Variants in ATE1 observed in about 807,000 individuals in gnomAD.
ATE1 encodes the protein arginyl-tRNA--protein transferase 1.
ATE1 carries 36 observed loss-of-function variants against 70.5 expected under a neutral mutation model. The ratio of observed to expected loss-of-function variants is 0.51; its 90% CI spans 0.39 to 0.67. The LOEUF is 0.67. Among genes scored for constraint, ATE1 ranks in the 30% least tolerant of loss-of-function variants. ATE1 has a pLI of 0.00. For synonymous variants in ATE1, 232 were observed against 219.3 expected (o/e 1.06, Z -0.51); for missense variants, 593 against 629.5 (o/e 0.94, Z 0.62).
At chr10:121,857,398 T>C (rs949415828) in intron 8 of ATE1, among the ~76,000 whole-genome samples, 4 of 152,234 alleles carry the variant, frequency 2.6e-5, no homozygotes, top group African/African-American at 9.6e-5. Flanking sequence ...CTTAGGATAA[T>C]GGTCTCCAGC....
chr10:121,832,252 T>A (rs2133707333), intron 10 of ATE1, among the ~76,000 whole-genome samples: 1 of 152,322 alleles, frequency 6.6e-6, no homozygotes, highest in South Asian at 2.1e-4. Context: ...CTCACTCCAA[T>A]GGAGCAAACT....
intron 11 of ATE1, among the ~76,000 whole-genome samples, chr10:121,756,792 C>A (rs1164630634): frequency 6.6e-6 from 1 of 152,168 alleles, no homozygotes; most frequent in Non-Finnish European, 1.5e-5. Flanking sequence ...TGGGCCCAGC[C>A]CATAAAACCA....
chr10:121,775,324 G>A lies in ATE1; in HGVS notation c.1378+14845C>T, dbSNP rs544042748. ...AACATAAAGCCTGTCAGAGAGTGGG[G>A]GGCAAGGGGAGGGAGAGCATTAGGG... On this transcript the variant is annotated intron_variant, in intron 11 of 11. Coordinates refer to ENST00000224652, the MANE Select transcript of ATE1 (RefSeq NM_001001976.3). Among the ~76,000 whole-genome samples, 5 of 152,100 alleles carry A rather than the reference G, an allele frequency of 3.3e-5. No homozygotes were observed. The South Asian group carries it at 1.0e-3, about 32-fold the overall frequency.
intron 10 of ATE1, among the ~76,000 whole-genome samples, chr10:121,832,210 T>C (rs1275690284): frequency 6.6e-6 from 1 of 152,160 alleles, no homozygotes; most frequent in African/African-American, 2.4e-5. Flanking sequence ...AACATACAGG[T>C]TGGAGTCCTA....
chr10:121,835,723 T>C (rs1948407992), intron 10 of ATE1, among the ~76,000 whole-genome samples: 1 of 152,140 alleles, frequency 6.6e-6, no homozygotes, highest in South Asian at 2.1e-4. Context: ...CTTTTAGAAA[T>C]ACACACTACA....
At chr10:121,901,331 A>T (rs1488066921) in intron 6 of ATE1, among the ~76,000 whole-genome samples, 2 of 152,200 alleles carry the variant, frequency 1.3e-5, no homozygotes, top group Non-Finnish European at 2.9e-5. Flanking sequence ...AGAATGCATG[A>T]AAGTTAATTT....
At chr10:121,909,860 T>C (rs1202920030) in intron 5 of ATE1, among the ~76,000 whole-genome samples, 3 of 151,908 alleles carry the variant, frequency 2.0e-5, no homozygotes, top group Non-Finnish European at 2.9e-5. Flanking sequence ...GCCTGGGTAA[T>C]ATAGTGAGAC....
At chr10:121,838,110 T>C (rs1948496157) in intron 9 of ATE1, among the ~76,000 whole-genome samples, 1 of 152,154 alleles carries the variant, frequency 6.6e-6, no homozygotes, top group Non-Finnish European at 1.5e-5. Flanking sequence ...TATGGTGCCC[T>C]TGGATGACTG....
At chr10:121,752,259 C>CT (rs1944616336) in intron 11 of ATE1, among the ~76,000 whole-genome samples, 1 of 132,626 alleles carries the variant, frequency 7.5e-6, no homozygotes, top group African/African-American at 2.8e-5. Context: ...GAGACGCAGT[C>CT]TCCCTCTGTC....
intron 7 of ATE1, among the ~76,000 whole-genome samples, chr10:121,895,184 A>C (rs956916407): frequency 6.6e-6 from 1 of 152,212 alleles, no homozygotes; most frequent in Non-Finnish European, 1.5e-5. Context: ...AGATCCTCAA[A>C]AGGAAAACAC....
At chr10:121,809,000 T>TACTC (rs1947208630) in intron 10 of ATE1, among the ~76,000 whole-genome samples, 1 of 152,226 alleles carries the variant, frequency 6.6e-6, no homozygotes, top group Non-Finnish European at 1.5e-5. Context: ...ATTTTGAAAG[T>TACTC]ACTGATTCAC....
intron 11 of ATE1, among the ~76,000 whole-genome samples, chr10:121,745,588 G>T (rs574769310): frequency 2.6e-5 from 4 of 152,304 alleles, no homozygotes; most frequent in African/African-American, 9.6e-5. Context: ...TTAGCCAGGC[G>T]TGGTGGCGGG....
chr10:121,781,983 A>G (rs1946011920), intron 11 of ATE1, among the ~76,000 whole-genome samples: 1 of 152,256 alleles, frequency 6.6e-6, no homozygotes, highest in Non-Finnish European at 1.5e-5. Flanking sequence ...ACTATAAAAT[A>G]AACAGAACTT....
chr10:121,867,200 G>A lies in ATE1; in HGVS notation c.975+2806C>T, dbSNP rs543097305. On this transcript the variant is annotated intron_variant, in intron 8 of 11. Transcript: ENST00000224652. ...TTCTACCTATACTAAGAATGGGAAA[G>A]CAATAAAACAAGAAAAACAGGGTCC... is the stretch of plus-strand genomic sequence containing the variant. Among the ~76,000 whole-genome samples the A allele has an allele frequency of 4.6e-5, 7 of 152,168 alleles. No homozygotes were observed. In the East Asian group the frequency reaches 9.7e-4, roughly 21 times the overall value.
intron 7 of ATE1, among the ~76,000 whole-genome samples, chr10:121,877,910 T>C (rs549923804): frequency 2.0e-5 from 3 of 152,234 alleles, no homozygotes; most frequent in Non-Finnish European, 2.9e-5. Flanking sequence ...ATTAGTGTTA[T>C]GTCCATCAAA....
chr10:121,836,835 A>G lies in ATE1; in HGVS notation c.1158-18T>C, dbSNP rs1245912556. The G allele has an allele frequency of 1.7e-5, 25 of 1,475,834 alleles. No individual in the cohort carries two copies. Among genetic ancestry groups the G allele is most frequent in the Non-Finnish European group, 2.3e-5 (24 of 1,066,012 alleles). 91.4% of individuals were successfully genotyped at this position (1,475,834 alleles called of 1,614,324 possible). A position where few individuals can be genotyped will look rare whatever the true frequency, so the allele number is the denominator to read the frequency against. On this transcript the variant is annotated intron_variant, in intron 9 of 11. Coordinates refer to ENST00000224652, the MANE Select transcript of ATE1 (RefSeq NM_001001976.3). ...CAATTTCTCTGCGAAAAGAAAAAGAAGAAAGCTGAAGGCAGTTAATTCTGG... is the reference window on the plus strand; with the variant it reads ...CAATTTCTCTGCGAAAAGAAAAAGAGGAAAGCTGAAGGCAGTTAATTCTGG...
chr10:121,882,603 G>C (rs1332784177), intron 7 of ATE1, among the ~76,000 whole-genome samples: 1 of 152,220 alleles, frequency 6.6e-6, no homozygotes. Flanking sequence ...TGATTGATTA[G>C]AGTTCACATT....
At chr10:121,830,604 A>T (rs1032360344) in intron 10 of ATE1, among the ~76,000 whole-genome samples, 3 of 152,252 alleles carry the variant, frequency 2.0e-5, no homozygotes, top group Non-Finnish European at 2.9e-5. Context: ...TCCTTAACTG[A>T]AATGAAAATA....
intron 10 of ATE1, among the ~76,000 whole-genome samples, chr10:121,825,358 A>AT (rs780718778): frequency 6.6e-6 from 1 of 152,218 alleles, no homozygotes; most frequent in East Asian, 1.9e-4. Context: ...CTCAGTTAAA[A>AT]ATATATTTCA....
Sources: gnomAD v4.1 joint callset for allele counts (sites outside exome capture counted in the v4.1 genomes callset) on GRCh38, gnomAD v4.1.1 for gene constraint, MANE v1.5 for transcripts, NCBI Gene and HGNC (gene_info 2026-07-23, HGNC 2026-07-21) for gene names.